ABLIM1: variants seen among roughly 807,000 people sequenced by gnomAD.
ABLIM1 encodes actin-binding LIM protein 1.
Under a neutral mutation model 107.0 loss-of-function variants are expected in ABLIM1, and 40 were observed. That is an observed-to-expected ratio of 0.37 (90% CI 0.29 to 0.49). The LOEUF (loss-of-function observed/expected upper bound fraction) is 0.49, where lower values mean the gene tolerates loss of function less well. Ranked by LOEUF, ABLIM1 falls within the 20% of genes least tolerant of loss-of-function variation. The pLI, the probability that ABLIM1 is intolerant of heterozygous loss-of-function variation, is 0.97. For missense variants in ABLIM1, 857 were observed against 1,008.5 expected, an observed-to-expected ratio of 0.85 and a Z score of 2.04; for synonymous variants, 357 against 357.3, an observed-to-expected ratio of 1.00 and a Z score of 0.01.
chr10:114,544,074 G>A (rs1182352425), intron 6 of ABLIM1, among the ~76,000 whole-genome samples: 1 of 152,224 alleles, frequency 6.6e-6, no homozygotes, highest in Non-Finnish European at 1.5e-5. Flanking sequence ...GGCGGGGAGG[G>A]GGGCCTCAGA....
chr10:114,541,874 T>C (rs927523512), intron 6 of ABLIM1, among the ~76,000 whole-genome samples: 5 of 151,942 alleles, frequency 3.3e-5, no homozygotes, highest in Admixed American at 3.3e-4. Flanking sequence ...TCCCCACAGC[T>C]GTTGAGCTAA....
the ABLIM1 span, among the ~76,000 whole-genome samples, chr10:114,787,910 T>G: frequency 6.9e-6 from 1 of 145,758 alleles, no homozygotes; most frequent in South Asian, 2.3e-4. Context: ...GGGGAAAAGA[T>G]TGAGAAATCG....
chr10:114,678,969 C>T (rs1225802352), intron 1 of ABLIM1, among the ~76,000 whole-genome samples: 1 of 152,166 alleles, frequency 6.6e-6, no homozygotes, highest in Non-Finnish European at 1.5e-5. Flanking sequence ...ATCACCCCTC[C>T]TTATATCCAT....
chr10:114,678,758 G>C (rs2080607264), intron 1 of ABLIM1, among the ~76,000 whole-genome samples: 1 of 152,146 alleles, frequency 6.6e-6, no homozygotes, highest in South Asian at 2.1e-4. Flanking sequence ...GGTTTCATCT[G>C]TGTACCATTT....
At position 114,663,973 on chromosome 10, in the gene ABLIM1, G is replaced by A. The variant is rs189493033; in HGVS notation, c.64+20317C>T. 6.6e-5 allele frequency among the ~76,000 whole-genome samples: 10 copies of A among 152,262 alleles called. No individual in the cohort carries two copies. The East Asian group carries it at 1.7e-3, about 26-fold the overall frequency. On this transcript the variant is annotated intron_variant, in intron 1 of 23. Coordinates refer to the ABLIM1 transcript ENST00000369256. Reference sequence around the variant, plus strand: ...GCACCGTTTGAAGTATTTATAATTCGTCTCTCTCAACACTGAAAAGCTCTG... The same window carrying A: ...GCACCGTTTGAAGTATTTATAATTCATCTCTCTCAACACTGAAAAGCTCTG...
intron 2 of ABLIM1, among the ~76,000 whole-genome samples, chr10:114,596,884 C>G (rs2075466077): frequency 6.6e-6 from 1 of 152,158 alleles, no homozygotes; most frequent in South Asian, 2.1e-4. Flanking sequence ...TCAACCTCTG[C>G]CCCCACTCAA....
At chr10:114,578,250 C>T (rs1163839114) in intron 2 of ABLIM1, among the ~76,000 whole-genome samples, 2 of 152,312 alleles carry the variant, frequency 1.3e-5, no homozygotes. Flanking sequence ...GACCGCCATG[C>T]CTCTCTCAAA....
intron 6 of ABLIM1, among the ~76,000 whole-genome samples, chr10:114,493,812 A>G (rs1168757421): frequency 6.6e-6 from 1 of 152,234 alleles, no homozygotes; most frequent in East Asian, 1.9e-4. Context: ...TAAATATTGT[A>G]AAGATGCTGA....
the ABLIM1 span, among the ~76,000 whole-genome samples, chr10:114,798,555 G>GGCC: frequency 1.4e-5 from 1 of 73,816 alleles, no homozygotes. Context: ...AAGATGATGA[G>GGCC]ACCCCCCCCC....
At chr10:114,495,475 A>T (rs1482092627) in intron 6 of ABLIM1, among the ~76,000 whole-genome samples, 1 of 151,778 alleles carries the variant, frequency 6.6e-6, no homozygotes, top group Non-Finnish European at 1.5e-5. Context: ...GATGGTAGTG[A>T]TGGTGATGGT....
Position 114,739,640 on chromosome 10 carries a change from A to G in ABLIM1, c.-213+28421T>C, listed in dbSNP as rs376311896. Among the ~76,000 whole-genome samples the G allele has an allele frequency of 5.6e-4, 86 of 152,278 alleles. 2 individuals are homozygous for G. The South Asian group carries it at 0.017, about 30-fold the overall frequency. ...CCATCATATATGCATTGCTTTTATC[A>G]TGATTTCTTGATTTTTTTTAAATCA... On this transcript the variant is annotated intron_variant, in intron 1 of 15. Coordinates refer to the ABLIM1 transcript ENST00000651092.
In ABLIM1 at chr10:114,473,146, C is replaced by A; in HGVS notation, c.1120-14G>T. 1 of 1,601,422 alleles carries A rather than the reference C, an allele frequency of 6.2e-7. No homozygotes were observed. The highest frequency in any genetic ancestry group is 8.5e-7 in the Non-Finnish European group (1 of 1,172,224). On this transcript the variant is annotated splice_polypyrimidine_tract_variant and intron_variant, in intron 9 of 22. Coordinates refer to ENST00000533213, the MANE Select transcript of ABLIM1 (RefSeq NM_002313.7). ...GTCTACTTTTGCCTGGCAAAGTTAA[C>A]CAGAAAGAACAATTACCTTGTAGTC...
the ABLIM1 span, among the ~76,000 whole-genome samples, chr10:114,789,254 CA>C: frequency 1.3e-5 from 2 of 150,538 alleles, no homozygotes; most frequent in Non-Finnish European, 3.0e-5. Context: ...GACTCCGTCT[CA>C]AAAAAAATAA....
intron 4 of ABLIM1, among the ~76,000 whole-genome samples, chr10:114,559,106 T>C (rs1055447861): frequency 4.6e-5 from 7 of 152,280 alleles, no homozygotes; most frequent in East Asian, 3.9e-4. Context: ...CCCTCCTCCA[T>C]TGGTCTCATG....
chr10:114,649,300 C>T (rs1334066717), intron 1 of ABLIM1, among the ~76,000 whole-genome samples: 5 of 151,624 alleles, frequency 3.3e-5, no homozygotes, highest in African/African-American at 9.7e-5. Context: ...ACCCAGAAGG[C>T]GGAGGCACAG....
intron 2 of ABLIM1, among the ~76,000 whole-genome samples, chr10:114,594,536 G>T (rs946757015): frequency 1.3e-5 from 2 of 152,132 alleles, no homozygotes; most frequent in African/African-American, 4.8e-5. Flanking sequence ...GATCACCTGA[G>T]GTCAGGAGTT....
intron 2 of ABLIM1, among the ~76,000 whole-genome samples, chr10:114,588,487 C>CTTTTTTTTTTTTTTTTTTTTTT (rs34043960): frequency 5.5e-4 from 42 of 76,566 alleles, no homozygotes; most frequent in East Asian, 8.8e-4. Flanking sequence ...TTCTTTCTTT[C>CTTTTTTTTTTTTTTTTTTTTTT]TTTTTTTTTT....
At chr10:114,575,622 C>G in intron 2 of ABLIM1, 23 bp from the exon 3 acceptor site, 1 of 1,605,340 alleles carries the variant, frequency 6.2e-7, no homozygotes, top group Non-Finnish European at 8.5e-7. Flanking sequence ...AAGTTCACAT[C>G]TGGTCATTAT....
At chr10:114,632,251 C>T (rs1387449172) in intron 1 of ABLIM1, 1 of 985,424 alleles carries the variant, frequency 1.0e-6, no homozygotes, top group Non-Finnish European at 1.2e-6. Flanking sequence ...AATCTCTGGT[C>T]ACTGACACCA....
Sources: allele counts gnomAD v4.1 joint callset (sites outside exome capture counted in the v4.1 genomes callset), GRCh38; gene constraint gnomAD v4.1.1; transcripts MANE v1.5; gene names NCBI Gene and HGNC (gene_info 2026-07-23, HGNC 2026-07-21).